CELF2: variants seen among roughly 807,000 people sequenced by gnomAD.
The protein encoded by CELF2 is CUGBP Elav-like family member 2, also known as CUG triplet repeat RNA-binding protein 2.
Under a neutral mutation model 62.6 loss-of-function variants are expected in CELF2, and 8 were observed. That is an observed-to-expected ratio of 0.13 (90% CI 0.07 to 0.23). The LOEUF is 0.23. Ranked by LOEUF, CELF2 falls within the 10% of genes least tolerant of loss-of-function variation. The probability of loss-of-function intolerance (pLI) is 1.00; values close to 1 mark genes in which losing one functional copy is unlikely to be tolerated. For synonymous variants in CELF2, 258 were observed against 250.0 expected (o/e 1.03, Z -0.30); for missense variants, 333 against 671.0 (o/e 0.50, Z 5.56).
intron 1 of CELF2, among the ~76,000 whole-genome samples, chr10:10,820,105 TTCC>T: frequency 6.6e-6 from 1 of 152,306 alleles, no homozygotes; most frequent in East Asian, 1.9e-4. Context: ...CTTTTGCTTC[TTCC>T]TCATTTTTCT....
chr10:10,579,034 C>T, the CELF2 span, among the ~76,000 whole-genome samples: 1 of 152,116 alleles, frequency 6.6e-6, no homozygotes, highest in African/African-American at 2.4e-5. Context: ...GTCCTCTACA[C>T]ATAGTGTCTG....
chr10:10,792,077 AAAGGGAG>A, the CELF2 span, among the ~76,000 whole-genome samples: 3 of 120,610 alleles, frequency 2.5e-5, no homozygotes, highest in Admixed American at 8.0e-5. Flanking sequence ...AGGAAGGAGG[AAAGGGAG>A]GGAGGGAGAG....
rs966646532 is a variant in CELF2, at chr10:11,046,833, A to G, written c.74+28670A>G. Among the ~76,000 whole-genome samples the G allele has an allele frequency of 6.6e-6, 1 of 152,188 alleles. No individual in the cohort carries two copies. The highest frequency in any genetic ancestry group is 2.4e-5 in the African/African-American group (1 of 41,440). ...GTTGCTTTATTTTCTAAAATTTTAA[A>G]TTTCATCGAAACTGCCTCCACTAAG... is the stretch of plus-strand genomic sequence containing the variant. On this transcript the variant is annotated intron_variant, in intron 1 of 12. Coordinates refer to ENST00000633077, the MANE Select transcript of CELF2 (RefSeq NM_001326342.2). This position sits in a 1 kb window ranked among gnomAD's most constrained non-coding sequence, Gnocchi z 4.6.
intron 1 of CELF2, among the ~76,000 whole-genome samples, chr10:10,852,944 G>A (rs1314438330): frequency 2.6e-5 from 4 of 152,136 alleles, no homozygotes; most frequent in African/African-American, 9.7e-5. Context: ...CTTGAGCATG[G>A]AAGGGTTTCT....
chr10:10,911,291 A>G (rs1271354135), intron 1 of CELF2, among the ~76,000 whole-genome samples: 1 of 152,230 alleles, frequency 6.6e-6, no homozygotes, highest in Non-Finnish European at 1.5e-5. Flanking sequence ...TTTTCAAGGC[A>G]CTTGAGCACA....
At chr10:11,239,034 G>C (rs1023532911) in intron 3 of CELF2, among the ~76,000 whole-genome samples, 5 of 152,258 alleles carry the variant, frequency 3.3e-5, no homozygotes, top group African/African-American at 1.2e-4. Context: ...TGAGGAACTA[G>C]GATGCCAAGT....
At chr10:11,301,919 A>C (rs1317156217) in intron 9 of CELF2, among the ~76,000 whole-genome samples, 1 of 152,072 alleles carries the variant, frequency 6.6e-6, no homozygotes, top group East Asian at 1.9e-4. Context: ...CGTGGGCCTC[A>C]TGTGGAGAGA....
intron 1 of CELF2, among the ~76,000 whole-genome samples, chr10:10,908,720 A>G (rs1343818945): frequency 6.6e-6 from 1 of 152,228 alleles, no homozygotes; most frequent in Non-Finnish European, 1.5e-5. Flanking sequence ...TGCTATTTCC[A>G]TAAGTGGCTG....
chr10:10,544,859 T>C, the CELF2 span, among the ~76,000 whole-genome samples: 2 of 152,230 alleles, frequency 1.3e-5, no homozygotes, highest in Non-Finnish European at 2.9e-5. Context: ...ATAGCACATG[T>C]AAAATCACTC....
intron 1 of CELF2, among the ~76,000 whole-genome samples, chr10:11,038,815 G>A (rs1311224915): frequency 6.6e-6 from 1 of 152,112 alleles, no homozygotes; most frequent in Non-Finnish European, 1.5e-5. Context: ...CCATAGGTGG[G>A]CTTAAAACTG....
chr10:10,594,625 A>G, the CELF2 span, among the ~76,000 whole-genome samples: 2 of 152,240 alleles, frequency 1.3e-5, no homozygotes, highest in Admixed American at 6.5e-5. Context: ...CAATCATTAC[A>G]AGAATCAAAG....
intron 1 of CELF2, among the ~76,000 whole-genome samples, chr10:11,047,240 A>G (rs1309995848): frequency 1.3e-5 from 2 of 152,148 alleles, no homozygotes; most frequent in African/African-American, 2.4e-5. Context: ...TAAATTTCTG[A>G]GTATAATTTT....
At chr10:10,506,863 C>G in the CELF2 span, among the ~76,000 whole-genome samples, 2 of 151,608 alleles carry the variant, frequency 1.3e-5, no homozygotes, top group African/African-American at 4.8e-5. Context: ...CGGGGATTCC[C>G]CATGTTGGCC....
chr10:10,516,648 G>A, the CELF2 span, among the ~76,000 whole-genome samples: 2 of 151,706 alleles, frequency 1.3e-5, no homozygotes, highest in Non-Finnish European at 2.9e-5. Flanking sequence ...AAGAATTGCT[G>A]GCTTAATTAC....
At chr10:10,574,367 G>T in the CELF2 span, among the ~76,000 whole-genome samples, 16 of 152,276 alleles carry the variant, frequency 1.1e-4, no homozygotes, top group East Asian at 3.1e-3. Context: ...GCTAGTGGGG[G>T]CCATGCCGTG....
chr10:11,238,045 T>C (rs2072211189), intron 3 of CELF2, among the ~76,000 whole-genome samples: 1 of 152,194 alleles, frequency 6.6e-6, no homozygotes, highest in Admixed American at 6.5e-5. Context: ...CATTGCTCAG[T>C]TGGGCAGCTT....
the CELF2 span, among the ~76,000 whole-genome samples, chr10:10,770,643 C>A: frequency 5.3e-5 from 8 of 152,146 alleles, no homozygotes; most frequent in South Asian, 1.5e-3. Flanking sequence ...AGAGCCCCCA[C>A]TGCAATGCCA....
At chr10:10,707,967 T>C in the CELF2 span, among the ~76,000 whole-genome samples, 8 of 152,292 alleles carry the variant, frequency 5.3e-5, no homozygotes, top group African/African-American at 1.9e-4. Context: ...ATACTATCTT[T>C]AACGTATATT....
chr10:11,049,467 T>C lies in CELF2; in HGVS notation c.74+31304T>C, dbSNP rs1338487184. On this transcript the variant is annotated intron_variant, in intron 1 of 12. Coordinates refer to ENST00000633077, the MANE Select transcript of CELF2 (RefSeq NM_001326342.2). ...ATAGATGGGGGAGAGGTCAAGGACG[T>C]AGTCTGTGAAAACAATGTGAACCGG... 5.4e-5 allele frequency among the ~76,000 whole-genome samples: 8 copies of C among 149,276 alleles called. No individual in the cohort carries two copies. In the Admixed American group the frequency reaches 5.5e-4, roughly 10 times the overall value.
Sources: allele counts gnomAD v4.1 joint callset (sites outside exome capture counted in the v4.1 genomes callset), GRCh38; gene constraint gnomAD v4.1.1; non-coding constraint Gnocchi (gnomAD v3.1); transcripts MANE v1.5; gene names NCBI Gene and HGNC (gene_info 2026-07-23, HGNC 2026-07-21).